Variants in HMCN2 observed in about 807,000 individuals in gnomAD.
HMCN2 encodes hemicentin 2.
A neutral mutation model predicts 377.5 loss-of-function variants in HMCN2; 325 were observed. The observed-to-expected ratio is 0.86, with a 90% CI of 0.79 to 0.94. The LOEUF (loss-of-function observed/expected upper bound fraction) is 0.94, where lower values mean the gene tolerates loss of function less well. Among genes scored for constraint, HMCN2 ranks in the 40% least tolerant of loss-of-function variants. The pLI is 0.00. For synonymous variants in HMCN2, 2,007 were observed against 2,046.8 expected (o/e 0.98, Z 0.53); for missense variants, 4,543 against 4,725.3 (o/e 0.96, Z 1.13).
rs537363173 is a variant in HMCN2 at position 130,352,927 on chromosome 9, C to T, written c.4586C>T (p.Ala1529Val). Residue 1529 changes from alanine to valine, a missense_variant and splice_region_variant, in exon 31 of 98, where the codon GCG becomes GTG. Ala to Val is a moderately conservative substitution (Grantham distance 64). Transcript: ENST00000683500. ...QARDFQLRVH[A>V]PPTIWGSNET... is the part of the protein sequence containing the mutation. ...CCAGCCCCACCTCTTTCCTTCTCAGCGCCCCCCACTATCTGGGGCTCCAAC... is the reference window on the plus strand; with the variant it reads ...CCAGCCCCACCTCTTTCCTTCTCAGTGCCCCCCACTATCTGGGGCTCCAAC... 1.9e-5 allele frequency: 24 copies of T among 1,269,566 alleles called. No homozygotes were observed. Among genetic ancestry groups the T allele is most frequent in the African/African-American group, 9.2e-5 (6 of 65,048 alleles). The allele number at this position is 1,269,566 out of a possible 1,614,324, so 78.6% of individuals were successfully genotyped here.
intron 77 of HMCN2, among the ~76,000 whole-genome samples, chr9:130,402,118 A>G (rs776147532): frequency 6.6e-6 from 1 of 152,228 alleles, no homozygotes; most frequent in Non-Finnish European, 1.5e-5. Context: ...AATAAGTGTA[A>G]TAAGTGGTAA....
At chr9:130,289,899 C>A (rs1554929394) in intron 4 of HMCN2, among the ~76,000 whole-genome samples, 1 of 152,214 alleles carries the variant, frequency 6.6e-6, no homozygotes, top group Non-Finnish European at 1.5e-5. Flanking sequence ...TCATCTGTGC[C>A]TCGGGGGCCC....
intron 6 of HMCN2, among the ~76,000 whole-genome samples, chr9:130,296,226 G>C (rs1227022058): frequency 6.6e-6 from 1 of 152,198 alleles, no homozygotes. Flanking sequence ...CCCTGGAAGA[G>C]TGGGGGCTCC....
In HMCN2 at chr9:130,383,578, G is replaced by A. The variant is rs1841852677; in HGVS notation, c.8808G>A (p.Lys2936=). ...VAENQAGSAE[K]LFTLRVQVPP... ...AGAACCAGGCGGGCTCCGCTGAGAA[G>A]CTCTTCACCCTCAGGGTTCAAGGTG... The change falls in exon 57 of 98, where the codon AAG becomes AAA. Residue 2936 remains lysine, a synonymous_variant. Coordinates refer to ENST00000683500, the MANE Select transcript of HMCN2 (RefSeq NM_001291815.2). 1.0e-6 allele frequency: 1 copy of A among 986,028 alleles called. No individual in the cohort carries two copies. The highest frequency in any genetic ancestry group is 1.7e-5 in the African/African-American group (1 of 57,370). 61.1% of individuals were successfully genotyped at this position (986,028 alleles called of 1,614,324 possible).
rs1029791487 is a variant in HMCN2 at position 130,385,715 on chromosome 9, A to T, written c.9262A>T (p.Thr3088Ser). Residue 3088 changes from threonine to serine, a missense_variant, in exon 60 of 98, where the codon ACC (threonine) becomes TCC (serine). Thr to Ser is a moderately conservative substitution (Grantham distance 58, BLOSUM62 1). Transcript: ENST00000683500. ...GCAGCCCCTGGTCCTGGCACAGCGG[A>T]CCCAGGCTCTGCGGGGTGGGCAGAG... is the stretch of plus-strand genomic sequence containing the variant. ...DGQPLVLAQR[T>S]QALRGGQRLE... The T allele has an allele frequency of 5.4e-6, 7 of 1,303,992 alleles. No homozygotes were observed. The highest frequency in any genetic ancestry group is 7.1e-6 in the Non-Finnish European group (7 of 988,898). 80.8% of individuals were successfully genotyped at this position (1,303,992 alleles called of 1,614,324 possible).
Position 130,424,960 on chromosome 9 carries a change from G to A in HMCN2, c.13519+47G>A, listed in dbSNP as rs1049226563. ...TGGGCCAGGTAGGACTAAAGCCTGC[G>A]CCCAGGACCTCCCGTGGTGACTCTG... On this transcript the variant is annotated intron_variant, in intron 88 of 97. Coordinates refer to ENST00000683500, the MANE Select transcript of HMCN2 (RefSeq NM_001291815.2). 44 of 1,504,880 alleles carry A rather than the reference G, an allele frequency of 2.9e-5. No individual in the cohort carries two copies. The Admixed American group carries it at 4.5e-4, about 15-fold the overall frequency. 93.2% of individuals were successfully genotyped at this position (1,504,880 alleles called of 1,614,324 possible). A position where few individuals can be genotyped will look rare whatever the true frequency, so the allele number is the denominator to read the frequency against.
chr9:130,426,563 T>C (rs1844381959), intron 90 of HMCN2, among the ~76,000 whole-genome samples: 1 of 152,072 alleles, frequency 6.6e-6, no homozygotes, highest in Non-Finnish European at 1.5e-5. Context: ...TTGCAGGGTG[T>C]CGCCGTACAG....
rs368005730 is a variant in HMCN2 at position 130,429,049 on chromosome 9, C to G, written c.14198-508C>G. ...GAGAGGGAAGCATGGTGGAGCCTGA[C>G]CCAAGGGGATCAGCCATCGCACCTC... On this transcript the variant is annotated intron_variant, in intron 93 of 97. Coordinates refer to ENST00000683500, the MANE Select transcript of HMCN2 (RefSeq NM_001291815.2). 3 of 181,318 alleles carry G rather than the reference C, an allele frequency of 1.7e-5. No individual in the cohort carries two copies. The South Asian group carries it at 3.6e-4, about 22-fold the overall frequency. 11.2% of individuals were successfully genotyped at this position (181,318 alleles called of 1,614,324 possible).
intron 82 of HMCN2, chr9:130,407,235 A>T (rs113232295): frequency 0.02 from 3,577 of 181,788 alleles, 152 homozygotes; most frequent in African/African-American, 0.08. Flanking sequence ...GGGCAACAAG[A>T]GTGAAACTGT....
intron 31 of HMCN2, 73 bp from the exon 32 acceptor site, chr9:130,354,690 G>A (rs1162390479): frequency 2.5e-6 from 3 of 1,191,632 alleles, no homozygotes; most frequent in Non-Finnish European, 2.2e-6. Flanking sequence ...GCTTCAGCGG[G>A]CCTGTTGGGC....
intron 61 of HMCN2, among the ~76,000 whole-genome samples, chr9:130,387,297 T>A (rs552678494): frequency 6.6e-6 from 1 of 152,140 alleles, no homozygotes; most frequent in African/African-American, 2.4e-5. Flanking sequence ...AAAATATAGT[T>A]GAGTAAATGA....
chr9:130,277,817 T>C (rs1386128709), intron 1 of HMCN2, among the ~76,000 whole-genome samples: 3 of 38,768 alleles, frequency 7.7e-5, no homozygotes, highest in South Asian at 1.3e-3. Flanking sequence ...ACCACCATCA[T>C]CATCATCACC....
At chr9:130,279,435 C>T (rs929991277) in intron 1 of HMCN2, among the ~76,000 whole-genome samples, 32 of 152,140 alleles carry the variant, frequency 2.1e-4, no homozygotes, top group Admixed American at 5.9e-4. Context: ...TTCCTGCAAC[C>T]TCTGCCTCCC....
chr9:130,314,391 C>G (rs1268015771), intron 15 of HMCN2, among the ~76,000 whole-genome samples: 1 of 152,104 alleles, frequency 6.6e-6, no homozygotes, highest in Non-Finnish European at 1.5e-5. Context: ...AAAAAATGAC[C>G]AATAGTGAAT....
rs1359120772 is a variant in HMCN2 at position 130,404,891 on chromosome 9, C to A, written c.12171C>A (p.Gly4057=). 1.6e-6 allele frequency: 2 copies of A among 1,266,696 alleles called. No individual in the cohort carries two copies. The highest frequency in any genetic ancestry group is 2.0e-6 in the Non-Finnish European group (2 of 976,356). The allele number at this position is 1,266,696 out of a possible 1,614,324, so 78.5% of individuals were successfully genotyped here. A position where few individuals can be genotyped will look rare whatever the true frequency, so the allele number is the denominator to read the frequency against. Residue 4057 remains glycine, a synonymous_variant, in exon 81 of 98, where the codon GGC becomes GGA. Coordinates refer to ENST00000683500, the MANE Select transcript of HMCN2 (RefSeq NM_001291815.2). The part of the protein sequence containing the change: ...VVQVPPVIEN[G]LPDLSTTEGS... ...CAGTCCCACCAGTGATCGAGAATGG[C>A]CTCCCAGACCTGTCCACCACCGAAG...
chr9:130,397,889 A>G (rs2131701824), intron 74 of HMCN2, among the ~76,000 whole-genome samples: 1 of 152,294 alleles, frequency 6.6e-6, no homozygotes, highest in South Asian at 2.1e-4. Flanking sequence ...ACCATGTACA[A>G]AAGGTAAAAC....
At chr9:130,387,314 T>G (rs962090504) in intron 61 of HMCN2, among the ~76,000 whole-genome samples, 3 of 152,130 alleles carry the variant, frequency 2.0e-5, no homozygotes, top group Non-Finnish European at 4.4e-5. Flanking sequence ...ATGAGAGAGT[T>G]TAACTCTTAT....
intron 94 of HMCN2, chr9:130,429,981 G>A (rs1844640264): frequency 5.1e-6 from 3 of 591,062 alleles, no homozygotes; most frequent in Admixed American, 6.4e-5. Context: ...GCAAGTGGGT[G>A]TATCTCAGAG....
chr9:130,431,461 G>C lies in HMCN2; in HGVS notation c.14742G>C (p.Leu4914=). Residue 4914 remains leucine, a synonymous_variant, in exon 96 of 98, where the codon CTG becomes CTC. Coordinates refer to ENST00000683500, the MANE Select transcript of HMCN2 (RefSeq NM_001291815.2). ...YQCLCPAGYR[L]LPSGKNCQDI... is the part of the protein sequence containing the mutation. Reference sequence around the variant, plus strand: ...GCCTGTGCCCCGCCGGCTACCGTCTGCTCCCCAGCGGGAAGAACTGCCAGG... The same window carrying C: ...GCCTGTGCCCCGCCGGCTACCGTCTCCTCCCCAGCGGGAAGAACTGCCAGG... The C allele has an allele frequency of 6.5e-7, 1 of 1,549,822 alleles. No homozygotes were observed. The highest frequency in any genetic ancestry group is 2.0e-5 in the Admixed American group (1 of 50,996).
Sources: gnomAD v4.1 joint callset for allele counts (sites outside exome capture counted in the v4.1 genomes callset) on GRCh38, gnomAD v4.1.1 for gene constraint, MANE v1.5 for transcripts, NCBI Gene and HGNC (gene_info 2026-07-23, HGNC 2026-07-21) for gene names.